Variants in DIP2C observed in about 807,000 individuals in gnomAD.
DIP2C encodes the protein DIP2 acetate--CoA ligase C (putative).
Under a neutral mutation model 192.4 loss-of-function variants are expected in DIP2C, and 33 were observed. That is an observed-to-expected ratio of 0.17 (90% CI 0.13 to 0.23). The LOEUF (loss-of-function observed/expected upper bound fraction) is 0.23, where lower values mean the gene tolerates loss of function less well. Among genes scored for constraint, DIP2C ranks in the 10% least tolerant of loss-of-function variants. The pLI is 1.00. For synonymous variants in DIP2C, 979 were observed against 864.1 expected (o/e 1.13, Z -2.33); for missense variants, 1,537 against 2,110.1 (o/e 0.73, Z 5.32).
chr10:281,081 G>T, intron 36 of DIP2C, 119 bp downstream of exon 36: 2 of 1,392,474 alleles, frequency 1.4e-6, no homozygotes, highest in Non-Finnish European at 9.8e-7. Context: ...GTCAAATGTT[G>T]AATCGCACCC....
chr10:393,094 G>A lies in DIP2C; in HGVS notation c.1261-2231C>T, dbSNP rs530203890. ...AGTCCTCTGTCCTTGGAAAGGTGGCGTCGGCCTCAGTCTGGCTGGATCTGA... is the reference window on the plus strand; with the variant it reads ...AGTCCTCTGTCCTTGGAAAGGTGGCATCGGCCTCAGTCTGGCTGGATCTGA... On this transcript the variant is annotated intron_variant, in intron 10 of 36. Coordinates refer to ENST00000280886, the MANE Select transcript of DIP2C (RefSeq NM_014974.3). Among the ~76,000 whole-genome samples, 34 of 152,130 alleles carry A rather than the reference G, an allele frequency of 2.2e-4. No individual in the cohort carries two copies. In the South Asian group the frequency reaches 5.2e-3, roughly 23 times the overall value.
intron 35 of DIP2C, among the ~76,000 whole-genome samples, chr10:283,019 C>CT (rs763144489): frequency 1.5e-4 from 23 of 152,244 alleles, no homozygotes; most frequent in Non-Finnish European, 2.9e-5. Context: ...AGCCATGCCC[C>CT]TCTCCGGTTT....
At chr10:576,510 G>A (rs1173421967) in intron 1 of DIP2C, among the ~76,000 whole-genome samples, 2 of 152,214 alleles carry the variant, frequency 1.3e-5, no homozygotes, top group African/African-American at 2.4e-5. Flanking sequence ...TGCCATGAGC[G>A]CTAAATTAGC....
intron 1 of DIP2C, among the ~76,000 whole-genome samples, chr10:518,783 T>TC (rs112480589): frequency 3.9e-5 from 6 of 152,320 alleles, no homozygotes; most frequent in Admixed American, 2.0e-4. Flanking sequence ...AGATGGCTAC[T>TC]CCCCTCTTCC....
rs111841565 is a variant in DIP2C, at chr10:304,498, C to G, written c.3986+5533G>C. Reference sequence around the variant, plus strand: ...AAGGGACTAAAGACCAGCTGGAGAACTCTGGCCCCCTCCCAGCAAATCCTT... The same window carrying G: ...AAGGGACTAAAGACCAGCTGGAGAAGTCTGGCCCCCTCCCAGCAAATCCTT... On this transcript the variant is annotated intron_variant, in intron 32 of 36. Transcript: ENST00000280886. Among the ~76,000 whole-genome samples the G allele has an allele frequency of 1.3e-3, 197 of 152,312 alleles. 1 individual carries two copies. In the South Asian group the frequency reaches 0.014, roughly 11 times the overall value.
chr10:419,694 T>C (rs1966046177), intron 5 of DIP2C, among the ~76,000 whole-genome samples: 1 of 152,104 alleles, frequency 6.6e-6, no homozygotes, highest in African/African-American at 2.4e-5. Context: ...GTTGGGTGGA[T>C]TATGTGAGTT....
At chr10:558,224 G>A (rs572782774) in intron 1 of DIP2C, among the ~76,000 whole-genome samples, 8 of 152,266 alleles carry the variant, frequency 5.3e-5, no homozygotes, top group African/African-American at 1.9e-4. Flanking sequence ...AGCCCAGTGA[G>A]GTAGGAATCC....
intron 3 of DIP2C, among the ~76,000 whole-genome samples, chr10:454,784 T>C (rs1336620295): frequency 6.6e-6 from 1 of 151,522 alleles, no homozygotes; most frequent in Admixed American, 6.6e-5. Context: ...CAATGAGATA[T>C]TCGGGGGATA....
chr10:679,402 CCCCACACCCAGGCTCCCCGCGCCCATCTG>C (rs1831028119), intron 1 of DIP2C, among the ~76,000 whole-genome samples: 1 of 50,836 alleles, frequency 2.0e-5, no homozygotes, highest in Non-Finnish European at 3.9e-5. Flanking sequence ...CGCCCATGCT[CCCCACACCCAGGCTCCCCGCGCCCATCTG>C]TACTCCCCAC....
intron 20 of DIP2C, among the ~76,000 whole-genome samples, chr10:364,068 A>G (rs2132731180): frequency 6.6e-6 from 1 of 152,308 alleles, no homozygotes; most frequent in South Asian, 2.1e-4. Flanking sequence ...TCCACGATGG[A>G]TATCTGGATC....
chr10:425,941 C>T (rs71489246), intron 4 of DIP2C, among the ~76,000 whole-genome samples: 19,081 of 152,194 alleles, frequency 0.13, 1,485 homozygotes, highest in East Asian at 0.19. Context: ...GGCGTTTTCC[C>T]TAAGATGGAG....
At chr10:332,655 GATCTT>G (rs1258692234) in intron 29 of DIP2C, among the ~76,000 whole-genome samples, 1 of 152,206 alleles carries the variant, frequency 6.6e-6, no homozygotes, top group African/African-American at 2.4e-5. Flanking sequence ...CTGTTCTTCA[GATCTT>G]AACTTCAAAA....
intron 1 of DIP2C, among the ~76,000 whole-genome samples, chr10:548,732 C>T (rs947471106): frequency 5.9e-5 from 9 of 151,700 alleles, no homozygotes; most frequent in Admixed American, 3.3e-4. Flanking sequence ...GGAGCTTTCA[C>T]GCTCGCACAA....
intron 14 of DIP2C, 85 bp from the exon 15 acceptor site, chr10:384,724 C>A: frequency 7.3e-7 from 1 of 1,369,766 alleles, no homozygotes; most frequent in Non-Finnish European, 1.0e-6. Context: ...GACACTAGGC[C>A]GCACGGGCAG....
At chr10:544,959 T>C (rs1296313563) in intron 1 of DIP2C, among the ~76,000 whole-genome samples, 1 of 152,126 alleles carries the variant, frequency 6.6e-6, no homozygotes, top group Non-Finnish European at 1.5e-5. Flanking sequence ...AGACATCTCA[T>C]CTAAGGAACC....
At position 654,964 on chromosome 10, in the gene DIP2C, G is replaced by C. The variant is rs1588691718; in HGVS notation, c.85+34530C>G. On this transcript the variant is annotated intron_variant, in intron 1 of 36. Transcript: ENST00000280886. ...ATACTATTTTCTTCTATACTGAAAG[G>C]AGTTAGCCAGCTTGCTTTAGGCAGA... 2.6e-5 allele frequency among the ~76,000 whole-genome samples: 4 copies of C among 152,198 alleles called. No individual in the cohort carries two copies. In the South Asian group the frequency reaches 6.2e-4, roughly 24 times the overall value.
At chr10:390,978 C>G in intron 10 of DIP2C, 115 bp from the exon 11 acceptor site, 1 of 1,435,822 alleles carries the variant, frequency 7.0e-7, no homozygotes, top group Non-Finnish European at 9.3e-7. Context: ...CAGGATCCAA[C>G]CCCCAGCCCT....
At chr10:392,527 G>A (rs1963548689) in intron 10 of DIP2C, among the ~76,000 whole-genome samples, 2 of 152,350 alleles carry the variant, frequency 1.3e-5, no homozygotes, top group Non-Finnish European at 2.9e-5. Flanking sequence ...CAGCCAAGGT[G>A]AGGCTGGGCC....
chr10:581,407 ATTTAC>A (rs1423605038), intron 1 of DIP2C, among the ~76,000 whole-genome samples: 4 of 152,200 alleles, frequency 2.6e-5, no homozygotes, highest in Admixed American at 1.3e-4. Context: ...AGTCAAGGGA[ATTTAC>A]TTAACATGTT....
Sources: allele counts gnomAD v4.1 joint callset (sites outside exome capture counted in the v4.1 genomes callset), GRCh38; gene constraint gnomAD v4.1.1; transcripts MANE v1.5; gene names NCBI Gene and HGNC (gene_info 2026-07-23, HGNC 2026-07-21).